Variants in ZFPM2 observed in about 807,000 individuals in gnomAD.
ZFPM2 encodes the protein zinc finger protein ZFPM2.
Under a neutral mutation model 98.6 loss-of-function variants are expected in ZFPM2, and 20 were observed. That is an observed-to-expected ratio of 0.20 (90% confidence interval 0.14 to 0.29). The LOEUF (loss-of-function observed/expected upper bound fraction) is 0.29, where lower values mean the gene tolerates loss of function less well. Among genes scored for constraint, ZFPM2 ranks in the 10% least tolerant of loss-of-function variants. ZFPM2 has a pLI of 1.00. For missense variants in ZFPM2, 1,310 were observed against 1,388.6 expected (o/e 0.94, Z 0.90); for synonymous variants, 518 against 502.7 (o/e 1.03, Z -0.41).
chr8:105,793,521 T>C (rs1813691322), intron 6 of ZFPM2, among the ~76,000 whole-genome samples: 1 of 152,168 alleles, frequency 6.6e-6, no homozygotes, highest in Non-Finnish European at 1.5e-5. Context: ...CCTTAACATT[T>C]TTTCCTTCAT....
In ZFPM2 at chr8:105,801,219, G is replaced by A. The variant is rs1419488553; in HGVS notation, c.1137G>A (p.Leu379=). 5 of 1,613,910 alleles carry A rather than the reference G, an allele frequency of 3.1e-6. No homozygotes were observed. In the East Asian group the frequency reaches 1.1e-4, roughly 36 times the overall value. The change falls in exon 8 of 8, where the codon TTG becomes TTA. Residue 379 remains leucine, a synonymous_variant. Transcript: ENST00000407775. ...GCTTCCAGACTCAGAGGGAGTTATT[G>A]CAGCACCAGGAGCTCCATGTCCCTA... ...HFGFQTQREL[L]QHQELHVPSG...
intron 1 of ZFPM2, among the ~76,000 whole-genome samples, chr8:105,399,352 G>A (rs896098546): frequency 1.3e-5 from 2 of 152,142 alleles, no homozygotes; most frequent in South Asian, 2.1e-4. Context: ...CTCAAAATAG[G>A]GACACAAGAA....
In ZFPM2 at chr8:105,380,644, A is replaced by G. The variant is rs1164816443; in HGVS notation, c.41-38500A>G. Among the ~76,000 whole-genome samples, 134 of 28,716 alleles carry G rather than the reference A, an allele frequency of 4.7e-3. 11 individuals are homozygous for G. Among genetic ancestry groups the G allele is most frequent in the Admixed American group, 0.014 (21 of 1,470 alleles). 18.8% of individuals were successfully genotyped at this position (28,716 alleles called of 152,430 possible). On this transcript the variant is annotated intron_variant, in intron 1 of 7. Coordinates refer to ENST00000407775, the MANE Select transcript of ZFPM2 (RefSeq NM_012082.4). ...TATATAACATATATATTATATATAT[A>G]TTATATATATATATTATATATAACA...
At chr8:105,449,464 TA>T (rs1268953466) in intron 3 of ZFPM2, among the ~76,000 whole-genome samples, 4 of 152,034 alleles carry the variant, frequency 2.6e-5, no homozygotes, top group Non-Finnish European at 1.5e-5. Context: ...GTCATTTCAA[TA>T]AAAATGAAGT....
intron 1 of ZFPM2, among the ~76,000 whole-genome samples, chr8:105,370,923 A>G (rs1049608126): frequency 2.0e-5 from 3 of 152,232 alleles, no homozygotes; most frequent in African/African-American, 7.2e-5. Flanking sequence ...TACACACAGC[A>G]GCAGTTGTCC....
chr8:105,602,988 A>G (rs905062256), intron 4 of ZFPM2, among the ~76,000 whole-genome samples: 1 of 152,082 alleles, frequency 6.6e-6, no homozygotes, highest in Non-Finnish European at 1.5e-5. Context: ...ATTTTAACCT[A>G]TGTAACAAAC....
intron 3 of ZFPM2, among the ~76,000 whole-genome samples, chr8:105,491,467 C>A (rs1813354601): frequency 6.6e-6 from 1 of 152,138 alleles, no homozygotes; most frequent in African/African-American, 2.4e-5. Context: ...GTTGCCGGAT[C>A]ATCATTCCGT....
chr8:105,477,130 T>G (rs1813027470), intron 3 of ZFPM2, among the ~76,000 whole-genome samples: 1 of 152,044 alleles, frequency 6.6e-6, no homozygotes, highest in Non-Finnish European at 1.5e-5. Context: ...CAACTGATAG[T>G]GGATTTTTGG....
chr8:105,499,124 C>A (rs1813535596), intron 3 of ZFPM2, among the ~76,000 whole-genome samples: 2 of 152,076 alleles, frequency 1.3e-5, no homozygotes, highest in South Asian at 4.1e-4. Flanking sequence ...TGCTGGTGTT[C>A]CCCACCCTTA....
intron 3 of ZFPM2, among the ~76,000 whole-genome samples, chr8:105,551,904 A>T (rs1047048422): frequency 1.1e-4 from 16 of 152,100 alleles, no homozygotes; most frequent in African/African-American, 3.6e-4. Context: ...ACGTCTACAA[A>T]CAAACAAGTA....
At chr8:105,466,709 A>AC (rs1812802163) in intron 3 of ZFPM2, among the ~76,000 whole-genome samples, 1 of 151,820 alleles carries the variant, frequency 6.6e-6, no homozygotes, top group South Asian at 2.1e-4. Flanking sequence ...ATATGATTCT[A>AC]CCCCATGTAG....
chr8:105,745,195 A>C (rs1256294102), intron 5 of ZFPM2, among the ~76,000 whole-genome samples: 1 of 152,136 alleles, frequency 6.6e-6, no homozygotes, highest in Non-Finnish European at 1.5e-5. Context: ...ATATTGTATC[A>C]TCATCTAACC....
intron 1 of ZFPM2, among the ~76,000 whole-genome samples, chr8:105,362,844 T>C (rs1810434576): frequency 1.3e-5 from 2 of 152,170 alleles, no homozygotes; most frequent in Non-Finnish European, 2.9e-5. Flanking sequence ...TGGTTGGAAA[T>C]CAGAAGAGTC....
At chr8:105,408,405 T>C (rs115509213) in intron 1 of ZFPM2, among the ~76,000 whole-genome samples, 173 of 151,996 alleles carry the variant, frequency 1.1e-3, no homozygotes, top group African/African-American at 4.0e-3. Context: ...TGTAATAAAG[T>C]TCCGTGTTGA....
At chr8:105,586,848 T>TTATATATATATATTTTA (rs1554619526) in intron 4 of ZFPM2, among the ~76,000 whole-genome samples, 1 of 146,998 alleles carries the variant, frequency 6.8e-6, no homozygotes, top group African/African-American at 2.5e-5. Context: ...TATAAATATT[T>TTATATATATATATTTTA]TATATATATA....
At chr8:105,428,301 C>G (rs1398087246) in intron 2 of ZFPM2, among the ~76,000 whole-genome samples, 1 of 152,092 alleles carries the variant, frequency 6.6e-6, no homozygotes, top group Non-Finnish European at 1.5e-5. Flanking sequence ...AACAAAAAGG[C>G]TAACATAAAT....
At chr8:105,633,493 C>A (rs1816789818) in intron 4 of ZFPM2, among the ~76,000 whole-genome samples, 3 of 152,116 alleles carry the variant, frequency 2.0e-5, no homozygotes, top group African/African-American at 7.2e-5. Flanking sequence ...AATTTGGATG[C>A]CAAACAGCCA....
intron 3 of ZFPM2, among the ~76,000 whole-genome samples, chr8:105,461,462 C>T (rs1182492883): frequency 6.6e-6 from 1 of 152,138 alleles, no homozygotes; most frequent in African/African-American, 2.4e-5. Flanking sequence ...CGGTTAGGCT[C>T]ACTGATAGTC....
intron 3 of ZFPM2, among the ~76,000 whole-genome samples, chr8:105,478,869 G>C (rs572844864): frequency 1.3e-5 from 2 of 152,242 alleles, no homozygotes; most frequent in South Asian, 2.1e-4. Flanking sequence ...TACCCCTCTG[G>C]GTGAGGATTT....
Sources: gnomAD v4.1 joint callset for allele counts (sites outside exome capture counted in the v4.1 genomes callset) on GRCh38, gnomAD v4.1.1 for gene constraint, MANE v1.5 for transcripts, NCBI Gene and HGNC (gene_info 2026-07-23, HGNC 2026-07-21) for gene names.